The following WDR24 variants were observed in gnomAD, a reference collection of about 807,000 sequenced individuals.
The protein encoded by WDR24 is WD repeat domain 24, also known as GATOR2 complex protein WDR24.
In WDR24, 32 loss-of-function variants were observed where a neutral mutation model predicts 66.7. That is an observed-to-expected ratio of 0.48 (90% CI 0.36 to 0.64). The LOEUF (loss-of-function observed/expected upper bound fraction) is 0.64. WDR24 is among the 30% of genes least tolerant of loss of function. WDR24 has a pLI of 0.00. For missense variants in WDR24, 978 were observed against 1,144.1 expected (o/e 0.85, Z 2.09); for synonymous variants, 565 against 469.1 (o/e 1.20, Z -2.64).
chr16:686,984 C>T lies in WDR24; in HGVS notation c.1092G>A (p.Ser364=), dbSNP rs372752228. The change falls in exon 3 of 9, where the codon TCG becomes TCA. Residue 364 remains serine (S), a synonymous_variant. Coordinates refer to ENST00000293883, the MANE Select transcript of WDR24 (RefSeq NM_032259.4). ...GGTCGCCAGTGTAGGGCTTGCGCCC[C>T]GACTCGGCAGCCACGAGGCTCTCCT... is the stretch of plus-strand genomic sequence containing the variant. ...AAKESLVAAE[S]GRKPYTGDRR... The T allele has an allele frequency of 2.6e-5, 42 of 1,599,286 alleles. No individual in the cohort carries two copies. Among genetic ancestry groups the T allele is most frequent in the Middle Eastern group, 1.6e-4 (1 of 6,074 alleles).
At position 687,292 on chromosome 16, in the gene WDR24, C is replaced by G. The variant is rs758470087; in HGVS notation, c.784G>C (p.Glu262Gln). The change falls in exon 3 of 9, where the codon GAG becomes CAG. Residue 262 changes from glutamate (E) to glutamine (Q), a missense_variant. By Grantham distance (29) the Glu-to-Gln change is conservative. Coordinates refer to ENST00000293883, the MANE Select transcript of WDR24 (RefSeq NM_032259.4). ...CACGTGGCCAGGTGGTGGCGGCACT[C>G]TGGCCGCCACTTCACACGGGCCACC... ...ASVARVKWRP[E>Q]CRHHLATCSM... 2 of 1,611,114 alleles carry G rather than the reference C, an allele frequency of 1.2e-6. No individual in the cohort carries two copies. The highest frequency in any genetic ancestry group is 2.2e-5 in the South Asian group (2 of 91,080).
intron 3 of WDR24, 72 bp downstream of exon 3, chr16:686,672 G>T: frequency 2.0e-6 from 3 of 1,501,758 alleles, no homozygotes; most frequent in South Asian, 2.6e-5. Context: ...TGGGGTGAGC[G>T]CAGCTGACGG....
chr16:689,871 G>A lies in WDR24; in HGVS notation c.-231C>T, dbSNP rs2039946999. 1 of 745,266 alleles carries A rather than the reference G, an allele frequency of 1.3e-6. No individual in the cohort carries two copies. The highest frequency in any genetic ancestry group is 2.3e-6 in the Non-Finnish European group (1 of 426,810). The allele number at this position is 745,266 out of a possible 1,614,324, so 46.2% of individuals were successfully genotyped here. On this transcript the variant is annotated 5_prime_UTR_variant, in exon 1 of 9. Coordinates refer to ENST00000293883, the MANE Select transcript of WDR24 (RefSeq NM_032259.4). ...GTCAGTCCAGCCCATCACCCTGGCT[G>A]AGCGGTGAGGGGACTTCCTAGCTTC...
In WDR24 at chr16:687,520, A is replaced by C. The variant is rs766121733; in HGVS notation, c.659+42T>G. 3 of 1,602,356 alleles carry C rather than the reference A, an allele frequency of 1.9e-6. No individual in the cohort carries two copies. In the South Asian group the frequency reaches 3.3e-5, roughly 18 times the overall value. ...TGTCTCATGGATCTGAGGCAGTGAGAGCTTACTGTCAACCTACTGCCCCTG... is the reference window on the plus strand; with the variant it reads ...TGTCTCATGGATCTGAGGCAGTGAGCGCTTACTGTCAACCTACTGCCCCTG... On this transcript the variant is annotated intron_variant, in intron 2 of 8. Transcript: ENST00000293883.
At position 687,768 on chromosome 16, in the gene WDR24, G is replaced by A. The variant is rs151060301; in HGVS notation, c.482-29C>T. The A allele has an allele frequency of 6.8e-4, 1,086 of 1,606,320 alleles. 12 individuals are homozygous for A. In the East Asian group the frequency reaches 0.018, roughly 26 times the overall value. The stretch of plus-strand genomic sequence containing the variant: ...CAGGCAGGAGGTCGATGCAGGGGAA[G>A]TGACGGGGCTGGCCCATGAGGTGCG... On this transcript the variant is annotated intron_variant, in intron 1 of 8. Transcript: ENST00000293883.
At chr16:688,923 C>G (rs2039938404) in intron 1 of WDR24, 1 of 619,430 alleles carries the variant, frequency 1.6e-6, no homozygotes, top group African/African-American at 1.8e-5. Flanking sequence ...CACCCCACAC[C>G]TAGCCTCAAT....
chr16:687,957 A>G (rs952248168), intron 1 of WDR24: 3 of 699,072 alleles, frequency 4.3e-6, no homozygotes, highest in South Asian at 1.5e-5. Context: ...TTTGTAACAC[A>G]TACTCCCGGG....
rs1567294051 is a variant in WDR24 at position 687,239 on chromosome 16, A to G, written c.837T>C (p.Tyr279=). ...TCSMMVDHNI[Y]VWDVRRPFVP... Reference sequence around the variant, plus strand: ...CGAAGGGCCGGCGCACGTCCCAAACATAGATGTTGTGGTCCACCATCATGG... The same window carrying G: ...CGAAGGGCCGGCGCACGTCCCAAACGTAGATGTTGTGGTCCACCATCATGG... The change falls in exon 3 of 9, where the codon TAT becomes TAC. Residue 279 remains tyrosine, a synonymous_variant. Transcript: ENST00000293883. The G allele has an allele frequency of 2.5e-6, 4 of 1,612,468 alleles. No homozygotes were observed. The highest frequency in any genetic ancestry group is 2.2e-5 in the South Asian group (2 of 91,086).
Position 690,235 on chromosome 16 carries a change from C to T in WDR24, c.-595G>A. The T allele has an allele frequency of 7.6e-6, 3 of 394,436 alleles. No individual in the cohort carries two copies. Among genetic ancestry groups the T allele is most frequent in the Non-Finnish European group, 1.5e-5 (3 of 197,830 alleles). 24.4% of individuals were successfully genotyped at this position (394,436 alleles called of 1,614,324 possible). On this transcript the variant is annotated 5_prime_UTR_variant, in exon 1 of 9. Coordinates refer to ENST00000293883, the MANE Select transcript of WDR24 (RefSeq NM_032259.4). ...GGCGGGACCGGAGGCAGGAGAGAAGCCGGCGACCCCGGAGTACAGGGTTCC... is the reference window on the plus strand; with the variant it reads ...GGCGGGACCGGAGGCAGGAGAGAAGTCGGCGACCCCGGAGTACAGGGTTCC...
chr16:689,725 C>T lies in WDR24; in HGVS notation c.-85G>A. On this transcript the variant is annotated 5_prime_UTR_variant, in exon 1 of 9. Coordinates refer to ENST00000293883, the MANE Select transcript of WDR24 (RefSeq NM_032259.4). ...GCCTGGGTGGGTCATCAGTTCAGAC[C>T]TTCCACCCAGGTTGGGACCCCAGAA... The T allele has an allele frequency of 6.5e-7, 1 of 1,536,688 alleles. No individual in the cohort carries two copies. The highest frequency in any genetic ancestry group is 1.2e-5 in the South Asian group (1 of 80,566).
In WDR24 at chr16:686,794, C is replaced by T. The variant is rs146799765; in HGVS notation, c.1282G>A (p.Glu428Lys). ...ACCTTTGCGTTGTGGTCACAGAGCT[C>T]GGCCAGTGGCCGGCCAGCCAGCGCA... ...RYALAGRPLA[E>K]LCDHNAKVAR... Residue 428 changes from glutamate (E) to lysine (K), a missense_variant, in exon 3 of 9, where the codon GAG (glutamate) becomes AAG (lysine). Physicochemically the swap from Glu to Lys is moderately conservative, Grantham distance 56 (BLOSUM62 1). Transcript: ENST00000293883. The T allele has an allele frequency of 2.5e-6, 4 of 1,610,792 alleles. No homozygotes were observed. Among genetic ancestry groups the T allele is most frequent in the Non-Finnish European group, 2.5e-6 (3 of 1,178,498 alleles).
chr16:687,666 G>C lies in WDR24; in HGVS notation c.555C>G (p.Asn185Lys). ...GGATGTCCCAGAGCTGCACATTGCC[G>C]TTCTCAAAGGTGGAGGCGAAGGTGA... Reference protein sequence around the residue: ...DYFTFASTFENGNVQLWDIRR... With the variant: ...DYFTFASTFEKGNVQLWDIRR... The change falls in exon 2 of 9, where the codon AAC (asparagine) becomes AAG (lysine). Residue 185 changes from asparagine (N) to lysine (K), a missense_variant. Physicochemically the swap from Asn to Lys is moderately conservative, Grantham distance 94. Coordinates refer to ENST00000293883, the MANE Select transcript of WDR24 (RefSeq NM_032259.4). The C allele has an allele frequency of 6.2e-7, 1 of 1,613,642 alleles. No homozygotes were observed. Among genetic ancestry groups the C allele is most frequent in the Non-Finnish European group, 8.5e-7 (1 of 1,180,022 alleles).
intron 1 of WDR24, 80 bp downstream of exon 1, chr16:689,080 G>T: frequency 6.4e-7 from 1 of 1,567,568 alleles, no homozygotes. Context: ...TCTGATGCAC[G>T]GAGCCCTTTT....
rs774173394 is a variant in WDR24, at chr16:690,395, A to G, written c.-755T>C. The G allele has an allele frequency of 2.2e-6, 1 of 456,714 alleles. No individual in the cohort carries two copies. The highest frequency in any genetic ancestry group is 1.5e-5 in the South Asian group (1 of 64,574). The allele number at this position is 456,714 out of a possible 1,614,324, so 28.3% of individuals were successfully genotyped here. On this transcript the variant is annotated 5_prime_UTR_variant, in exon 1 of 9. Coordinates refer to ENST00000293883, the MANE Select transcript of WDR24 (RefSeq NM_032259.4). ...GGTTGTCCGGAACCGCCGCGCCGGA[A>G]GCCGCTGTCTTTCCCGTCCCTCGCC...
intron 1 of WDR24, chr16:688,915 C>T: frequency 3.4e-6 from 2 of 591,250 alleles, no homozygotes; most frequent in South Asian, 4.1e-5. Flanking sequence ...CCCTCCCTCA[C>T]CCCACACCTA....
Position 689,193 on chromosome 16 carries a change from G to C in WDR24, c.448C>G (p.Leu150Val). 2 of 1,613,774 alleles carry C rather than the reference G, an allele frequency of 1.2e-6. No individual in the cohort carries two copies. The highest frequency in any genetic ancestry group is 8.5e-7 in the Non-Finnish European group (1 of 1,180,022). The change falls in exon 1 of 9, where the codon CTC (leucine) becomes GTC (valine). Residue 150 changes from leucine to valine, a missense_variant. Leu to Val is a conservative substitution (Grantham distance 32, BLOSUM62 1). Transcript: ENST00000293883. The stretch of plus-strand genomic sequence containing the variant: ...GTGCTGACAGAGTCCTTTCTGCGGA[G>C]GTCAAAGCACTTCATGAAGCCATCC... Reference protein sequence around the residue: ...SQDGFMKCFDLRRKDSVSTFS... With the variant: ...SQDGFMKCFDVRRKDSVSTFS...
At chr16:688,361 C>T (rs893057232) in intron 1 of WDR24, among the ~76,000 whole-genome samples, 1 of 152,216 alleles carries the variant, frequency 6.6e-6, no homozygotes, top group Non-Finnish European at 1.5e-5. Flanking sequence ...GATCTGGGCT[C>T]ACTGCAACCT....
chr16:685,612 C>T lies in WDR24; in HGVS notation c.1679-15G>A, dbSNP rs1280044532. The T allele has an allele frequency of 2.5e-6, 4 of 1,604,896 alleles. No homozygotes were observed. The South Asian group carries it at 3.3e-5, about 13-fold the overall frequency. ...AGGGTCCTCGGCTGGAAGGCAGGGA[C>T]CAGCGGAGGCTCTGAGTCTGTCCTC... On this transcript the variant is annotated splice_polypyrimidine_tract_variant and intron_variant, in intron 6 of 8. Transcript: ENST00000293883.
In WDR24 at chr16:687,293, T is replaced by G. The variant is rs1235922473; in HGVS notation, c.783A>C (p.Pro261=). ...ACGTGGCCAGGTGGTGGCGGCACTC[T>G]GGCCGCCACTTCACACGGGCCACCG... ...IASVARVKWR[P]ECRHHLATCS... The change falls in exon 3 of 9, where the codon CCA becomes CCC. Residue 261 remains proline (P), a synonymous_variant. Coordinates refer to ENST00000293883, the MANE Select transcript of WDR24 (RefSeq NM_032259.4). The G allele has an allele frequency of 1.9e-6, 3 of 1,610,846 alleles. No individual in the cohort carries two copies. The highest frequency in any genetic ancestry group is 1.7e-5 in the Admixed American group (1 of 59,998).
Sources: gnomAD v4.1 joint callset for allele counts (sites outside exome capture counted in the v4.1 genomes callset) on GRCh38, gnomAD v4.1.1 for gene constraint, MANE v1.5 for transcripts, NCBI Gene and HGNC (gene_info 2026-07-23, HGNC 2026-07-21) for gene names.